The following RIT2 variants were observed in gnomAD, a reference collection of about 807,000 sequenced individuals.
RIT2 encodes the protein Ras like without CAAX 2.
In RIT2, 24 loss-of-function variants were observed where a neutral mutation model predicts 23.7. That is an observed-to-expected ratio of 1.01 (90% CI 0.73 to 1.43). RIT2 has a LOEUF of 1.43. RIT2 is among the 40% of genes most tolerant of loss of function. The probability of loss-of-function intolerance (pLI) is 0.00; values close to 1 mark genes in which losing one functional copy is unlikely to be tolerated. For synonymous variants in RIT2, 107 were observed against 91.1 expected (o/e 1.17, Z -0.99); for missense variants, 236 against 266.9 (o/e 0.88, Z 0.81).
chr18:42,915,848 C>T (rs375550480), intron 4 of RIT2, among the ~76,000 whole-genome samples: 6 of 150,612 alleles, frequency 4.0e-5, no homozygotes, highest in East Asian at 1.9e-4. Flanking sequence ...TGTACATATG[C>T]GTGTATATAT....
intron 2 of RIT2, among the ~76,000 whole-genome samples, chr18:43,017,688 C>T (rs2144261824): frequency 6.6e-6 from 1 of 152,120 alleles, no homozygotes; most frequent in East Asian, 1.9e-4. Flanking sequence ...TTTATTATCT[C>T]AATTAACCCT....
chr18:42,980,533 C>T (rs1910575943), intron 2 of RIT2, among the ~76,000 whole-genome samples: 1 of 152,086 alleles, frequency 6.6e-6, no homozygotes, highest in African/African-American at 2.4e-5. Context: ...TCTGATACCC[C>T]CCGGAGATTC....
intron 2 of RIT2, among the ~76,000 whole-genome samples, chr18:43,021,899 G>A (rs1431666729): frequency 2.6e-5 from 4 of 152,020 alleles, no homozygotes; most frequent in African/African-American, 9.7e-5. Context: ...CAGTATAGGG[G>A]TTTCCAAAAA....
At chr18:42,926,419 G>C (rs1909181245) in intron 3 of RIT2, among the ~76,000 whole-genome samples, 1 of 151,792 alleles carries the variant, frequency 6.6e-6, no homozygotes. Flanking sequence ...TCTTTGAAAA[G>C]GGTTGGTTCT....
At chr18:42,772,705 T>G (rs1418830066) in intron 4 of RIT2, among the ~76,000 whole-genome samples, 1 of 152,204 alleles carries the variant, frequency 6.6e-6, no homozygotes, top group Non-Finnish European at 1.5e-5. Flanking sequence ...AATTGTCTTT[T>G]GTTCTAATGA....
intron 1 of RIT2, among the ~76,000 whole-genome samples, chr18:43,115,088 A>T (rs16977273): frequency 4.6e-5 from 7 of 152,166 alleles, no homozygotes; most frequent in African/African-American, 1.7e-4. Flanking sequence ...GACTAGGAGC[A>T]CATTTTTCTC....
At chr18:42,973,985 A>T (rs1598735215) in intron 3 of RIT2, 89 bp downstream of exon 3, 4 of 803,060 alleles carry the variant, frequency 5.0e-6, no homozygotes, top group Non-Finnish European at 8.0e-6. Context: ...CTGCTTGAAT[A>T]AAGTCATCTT....
At chr18:42,981,580 A>T (rs1910599384) in intron 2 of RIT2, among the ~76,000 whole-genome samples, 1 of 152,116 alleles carries the variant, frequency 6.6e-6, no homozygotes, top group South Asian at 2.1e-4. Flanking sequence ...GCCAATCATC[A>T]TCCCAAAAGA....
intron 1 of RIT2, among the ~76,000 whole-genome samples, chr18:43,038,663 A>G (rs1912049779): frequency 6.6e-6 from 1 of 152,130 alleles, no homozygotes; most frequent in Non-Finnish European, 1.5e-5. Context: ...ATTCATCTAC[A>G]CACGATTATT....
At chr18:42,975,989 T>C (rs1910469978) in intron 2 of RIT2, among the ~76,000 whole-genome samples, 1 of 152,112 alleles carries the variant, frequency 6.6e-6, no homozygotes, top group South Asian at 2.1e-4. Flanking sequence ...TTTTCATGCA[T>C]GTGTGACTAT....
intron 4 of RIT2, among the ~76,000 whole-genome samples, chr18:42,831,214 A>G (rs1366436449): frequency 6.6e-6 from 1 of 152,228 alleles, no homozygotes; most frequent in African/African-American, 2.4e-5. Context: ...GAAAGGCAGG[A>G]ATAGTTTCTC....
In RIT2 at chr18:42,916,335, G is replaced by A. The variant is rs115212586; in HGVS notation, c.426+7237C>T. Among the ~76,000 whole-genome samples, 408 of 152,180 alleles carry A rather than the reference G, an allele frequency of 2.7e-3. 1 individual carries two copies. The highest frequency in any genetic ancestry group is 9.1e-3 in the African/African-American group (378 of 41,536). On this transcript the variant is annotated intron_variant, in intron 4 of 4. Transcript: ENST00000326695. ...TGGAATGGCCAGTAATCTTTTGTAT[G>A]TGTCTGTTGTCTATCTCCAGATTAC...
At chr18:42,790,104 T>C (rs760493862) in intron 4 of RIT2, among the ~76,000 whole-genome samples, 15 of 152,348 alleles carry the variant, frequency 9.8e-5, no homozygotes, top group Non-Finnish European at 2.1e-4. Flanking sequence ...TCCTTAATTT[T>C]GTTTATGTGA....
In RIT2 at chr18:43,077,102, C is replaced by CAA. The variant is rs34419558; in HGVS notation, c.103+38313_103+38314dup. 3.4e-3 allele frequency among the ~76,000 whole-genome samples: 269 copies of CAA among 79,900 alleles called. 1 individual carries two copies. The highest frequency in any genetic ancestry group is 4.6e-3 in the South Asian group (10 of 2,182). 52.4% of individuals were successfully genotyped at this position (79,900 alleles called of 152,430 possible). A position where few individuals can be genotyped will look rare whatever the true frequency, so the allele number is the denominator to read the frequency against. ...TGGGCGACAGAGCGAGACTCCGTCT[C>CAA]AAAAAAAAAAAAAAAAAAAAAGGCT... On this transcript the variant is annotated intron_variant, in intron 1 of 4. Transcript: ENST00000326695.
chr18:42,800,518 CTTTTTT>C (rs147481524), intron 4 of RIT2, among the ~76,000 whole-genome samples: 26 of 144,530 alleles, frequency 1.8e-4, no homozygotes, highest in African/African-American at 4.3e-4. Context: ...CAGTTACATT[CTTTTTT>C]TTTTTTTTTT....
chr18:43,115,439 T>G lies in RIT2; in HGVS notation c.81A>C (p.Gly27=). Reference sequence around the variant, plus strand: ...TACCGCTTTTACCAACTCCCCCTGCTCCCAGCATTACCACCTTGTACTCTC... The same window carrying G: ...TACCGCTTTTACCAACTCCCCCTGCGCCCAGCATTACCACCTTGTACTCTC... ...GSREYKVVML[G]AGGVGKSAMT... The change falls in exon 1 of 5, where the codon GGA becomes GGC. Residue 27 remains glycine, a synonymous_variant. Transcript: ENST00000326695. 2.5e-6 allele frequency: 4 copies of G among 1,613,524 alleles called. No homozygotes were observed. Among genetic ancestry groups the G allele is most frequent in the Non-Finnish European group, 3.4e-6 (4 of 1,179,760 alleles).
intron 2 of RIT2, among the ~76,000 whole-genome samples, chr18:42,996,356 A>G (rs1375426497): frequency 6.6e-6 from 1 of 151,934 alleles, no homozygotes; most frequent in African/African-American, 2.4e-5. Context: ...ACACTTTACC[A>G]CTATTTCATT....
chr18:42,950,899 C>CAA lies in RIT2; in HGVS notation c.234+23173_234+23174dup, dbSNP rs546311282. On this transcript the variant is annotated intron_variant, in intron 3 of 4. Coordinates refer to ENST00000326695, the MANE Select transcript of RIT2 (RefSeq NM_002930.4). Reference sequence around the variant, plus strand: ...GTCAGAATGGCTATTATTAAAACATCAAAAAAAAAAAAAAATAACAGATGC... The same window carrying CAA: ...GTCAGAATGGCTATTATTAAAACATCAAAAAAAAAAAAAAAAATAACAGATGC... Among the ~76,000 whole-genome samples the CAA allele has an allele frequency of 5.3e-3, 694 of 129,862 alleles. 5 individuals are homozygous for CAA. The highest frequency in any genetic ancestry group is 0.035 in the East Asian group (152 of 4,364). The allele number at this position is 129,862 out of a possible 152,430, so 85.2% of individuals were successfully genotyped here.
At chr18:42,820,593 C>T (rs1487359706) in intron 4 of RIT2, among the ~76,000 whole-genome samples, 2 of 152,086 alleles carry the variant, frequency 1.3e-5, no homozygotes, top group African/African-American at 4.8e-5. Context: ...TAATGGTTCA[C>T]CTTGGTTTGC....
Sources: gnomAD v4.1 joint callset for allele counts (sites outside exome capture counted in the v4.1 genomes callset) on GRCh38, gnomAD v4.1.1 for gene constraint, MANE v1.5 for transcripts, NCBI Gene and HGNC (gene_info 2026-07-23, HGNC 2026-07-21) for gene names.